The following YAP1 variants were observed in gnomAD, a reference collection of about 807,000 sequenced individuals.
YAP1 encodes the protein transcriptional coactivator YAP1.
In YAP1, 5 loss-of-function variants were observed where a neutral mutation model predicts 56.9. The ratio of observed to expected loss-of-function variants is 0.09; its 90% CI spans 0.05 to 0.18. The LOEUF is 0.18. YAP1 is among the 10% of genes least tolerant of loss of function. YAP1 has a pLI of 1.00. For missense variants in YAP1, 539 were observed against 651.8 expected (o/e 0.83, Z 1.88); for synonymous variants, 265 against 248.1 (o/e 1.07, Z -0.64).
chr11:102,160,701 TG>T (rs11332238), intron 2 of YAP1, among the ~76,000 whole-genome samples: 152,256 of 152,346 alleles, frequency 1, 76,083 homozygotes, highest in Non-Finnish European at 1. Flanking sequence ...TAACTGGAAT[TG>T]GCAGTTGCCA....
chr11:102,136,380 G>A (rs1297158603), intron 2 of YAP1, among the ~76,000 whole-genome samples: 2 of 146,994 alleles, frequency 1.4e-5, no homozygotes, highest in East Asian at 4.0e-4. Flanking sequence ...GGTCTCCGTC[G>A]CCTAGGCTGG....
At chr11:102,193,062 A>G (rs1426649462) in intron 4 of YAP1, among the ~76,000 whole-genome samples, 1 of 152,216 alleles carries the variant, frequency 6.6e-6, no homozygotes, top group Non-Finnish European at 1.5e-5. Flanking sequence ...CCTTGTTGGT[A>G]CACTTTGTTT....
Position 102,185,952 on chromosome 11 carries a change from C to T in YAP1, c.689-66C>T. ...GTGTTTTCTTTTTAAATTAGTACCC[C>T]CTCCCACTTTTTTTTAGGTGCACCA... On this transcript the variant is annotated intron_variant, in intron 3 of 8. Transcript: ENST00000282441. 11 of 1,449,064 alleles carry T rather than the reference C, an allele frequency of 7.6e-6. No individual in the cohort carries two copies. The South Asian group carries it at 1.5e-4, about 20-fold the overall frequency. The allele number at this position is 1,449,064 out of a possible 1,614,324, so 89.8% of individuals were successfully genotyped here. A position where few individuals can be genotyped will look rare whatever the true frequency, so the allele number is the denominator to read the frequency against.
At chr11:102,120,297 T>C (rs549671816) in intron 2 of YAP1, among the ~76,000 whole-genome samples, 10 of 152,344 alleles carry the variant, frequency 6.6e-5, no homozygotes, top group African/African-American at 2.2e-4. Flanking sequence ...CCACCTCCCC[T>C]TTAATATTCT....
intron 2 of YAP1, among the ~76,000 whole-genome samples, chr11:102,141,794 GACCCACC>G (rs1945040932): frequency 6.6e-6 from 1 of 152,158 alleles, no homozygotes; most frequent in South Asian, 2.1e-4. Flanking sequence ...AGGCCCATTG[GACCCACC>G]ATTGTGTCTT....
At chr11:102,185,039 TAA>T (rs971075597) in intron 3 of YAP1, among the ~76,000 whole-genome samples, 17 of 152,318 alleles carry the variant, frequency 1.1e-4, no homozygotes, top group African/African-American at 4.1e-4. Context: ...TAGCACAAGA[TAA>T]GTGTTCAATT....
intron 1 of YAP1, chr11:102,112,322 A>G (rs1942990002): frequency 2.4e-6 from 2 of 848,622 alleles, no homozygotes; most frequent in Non-Finnish European, 2.8e-6. Context: ...TTGATTCAGC[A>G]TAGAAGTGAA....
At chr11:102,125,220 C>A (rs1224252084) in intron 2 of YAP1, among the ~76,000 whole-genome samples, 1 of 151,902 alleles carries the variant, frequency 6.6e-6, no homozygotes, top group Non-Finnish European at 1.5e-5. Flanking sequence ...CAGGGTTTTA[C>A]CATGTTGCCC....
rs1300628645 is a variant in YAP1, at chr11:102,230,847, A to G, written c.*907A>G. On this transcript the variant is annotated 3_prime_UTR_variant, in exon 9 of 9. Coordinates refer to ENST00000282441, the MANE Select transcript of YAP1 (RefSeq NM_001130145.3). ...TTACCACCTTATTTAAATCTCGATT[A>G]TCTGCTCTCTCTTTTATATACATAC... The G allele has an allele frequency of 2.0e-5, 3 of 152,242 alleles. No individual in the cohort carries two copies. Among genetic ancestry groups the G allele is most frequent in the Admixed American group, 2.0e-4 (3 of 15,258 alleles). The allele number at this position is 152,242 out of a possible 1,614,324, so 9.4% of individuals were successfully genotyped here.
At chr11:102,217,261 A>G (rs1436146512) in intron 6 of YAP1, among the ~76,000 whole-genome samples, 5 of 152,262 alleles carry the variant, frequency 3.3e-5, no homozygotes, top group Non-Finnish European at 1.5e-5. Context: ...GGCCTTACAT[A>G]AAATGATGCC....
At chr11:102,173,530 A>G (rs1199380655) in intron 3 of YAP1, among the ~76,000 whole-genome samples, 2 of 152,198 alleles carry the variant, frequency 1.3e-5, no homozygotes, top group Admixed American at 1.3e-4. Context: ...CTATTCTAAG[A>G]AAGAGTAGGG....
At chr11:102,224,830 G>A (rs1950117114) in intron 7 of YAP1, among the ~76,000 whole-genome samples, 1 of 152,188 alleles carries the variant, frequency 6.6e-6, no homozygotes, top group African/African-American at 2.4e-5. Flanking sequence ...CTTAAACTGA[G>A]GCTAATTAAG....
intron 4 of YAP1, among the ~76,000 whole-genome samples, chr11:102,199,717 T>C (rs1207393904): frequency 6.6e-6 from 1 of 152,120 alleles, no homozygotes; most frequent in Non-Finnish European, 1.5e-5. Context: ...ACATGAAGCA[T>C]TGAGGGTAGT....
At chr11:102,113,223 CTA>C (rs1280285855) in intron 1 of YAP1, among the ~76,000 whole-genome samples, 2 of 152,142 alleles carry the variant, frequency 1.3e-5, no homozygotes, top group Non-Finnish European at 2.9e-5. Flanking sequence ...ATTTTAAAAA[CTA>C]TGCAAGATTA....
At chr11:102,127,229 G>A (rs1944084532) in intron 2 of YAP1, among the ~76,000 whole-genome samples, 1 of 152,174 alleles carries the variant, frequency 6.6e-6, no homozygotes, top group Non-Finnish European at 1.5e-5. Context: ...AGACCAAGGG[G>A]AAGATGTCTC....
At chr11:102,131,603 C>T (rs1054715956) in intron 2 of YAP1, among the ~76,000 whole-genome samples, 1 of 152,136 alleles carries the variant, frequency 6.6e-6, no homozygotes, top group Non-Finnish European at 1.5e-5. Flanking sequence ...GTCCATTGGT[C>T]GACAGTCTTC....
chr11:102,127,567 T>C (rs377385828), intron 2 of YAP1, among the ~76,000 whole-genome samples: 11 of 152,200 alleles, frequency 7.2e-5, no homozygotes, highest in African/African-American at 2.7e-4. Context: ...AAAAGTTTGC[T>C]GCAGGGGCGG....
At chr11:102,174,966 G>A (rs1196877567) in intron 3 of YAP1, among the ~76,000 whole-genome samples, 1 of 152,130 alleles carries the variant, frequency 6.6e-6, no homozygotes, top group Admixed American at 6.5e-5. Context: ...CTACCACACT[G>A]CCCATTGTAA....
At position 102,182,323 on chromosome 11, in the gene YAP1, T is replaced by G. The variant is rs375125607; in HGVS notation, c.689-3695T>G. ...TAAAGGCATCCTAAATTGATTTTGA[T>G]CGAGCCACTGTGGTCTCCTCTTACA... On this transcript the variant is annotated intron_variant, in intron 3 of 8. Transcript: ENST00000282441. 3.9e-5 allele frequency among the ~76,000 whole-genome samples: 6 copies of G among 152,374 alleles called. No homozygotes were observed. The East Asian group carries it at 7.7e-4, about 20-fold the overall frequency.
Sources: allele counts gnomAD v4.1 joint callset (sites outside exome capture counted in the v4.1 genomes callset), GRCh38; gene constraint gnomAD v4.1.1; transcripts MANE v1.5; gene names NCBI Gene and HGNC (gene_info 2026-07-23, HGNC 2026-07-21).